Variants in AFG1L observed in about 807,000 individuals in gnomAD.
The protein encoded by AFG1L is AFG1-like ATPase.
A neutral mutation model predicts 62.2 loss-of-function variants in AFG1L; 53 were observed. That is an observed-to-expected ratio of 0.85 (90% confidence interval 0.68 to 1.07). The LOEUF (loss-of-function observed/expected upper bound fraction) is 1.07, where lower values mean the gene tolerates loss of function less well. Ranked by LOEUF, AFG1L falls within the 50% of genes least tolerant of loss-of-function variation. The pLI, the probability that AFG1L is intolerant of heterozygous loss-of-function variation, is 0.00. For synonymous variants in AFG1L, 228 were observed against 210.3 expected, an observed-to-expected ratio of 1.08 and a Z score of -0.73; for missense variants, 555 against 590.5, an observed-to-expected ratio of 0.94 and a Z score of 0.62.
At chr6:108,446,615 G>T (rs368218472) in intron 7 of AFG1L, among the ~76,000 whole-genome samples, 8 of 150,942 alleles carry the variant, frequency 5.3e-5, no homozygotes, top group African/African-American at 1.9e-4. Flanking sequence ...AGCAATGCTC[G>T]CAGCTTAGCC....
intron 6 of AFG1L, among the ~76,000 whole-genome samples, chr6:108,381,817 C>T (rs185280406): frequency 4.6e-5 from 7 of 152,138 alleles, no homozygotes; most frequent in Non-Finnish European, 7.4e-5. Context: ...ATTAATAGTT[C>T]AACTTGAGAA....
At chr6:108,472,865 AT>A (rs1772958746) in intron 8 of AFG1L, among the ~76,000 whole-genome samples, 1 of 149,440 alleles carries the variant, frequency 6.7e-6, no homozygotes, top group Admixed American at 6.8e-5. Flanking sequence ...GTCCAGTGGC[AT>A]GATCTTGGGT....
chr6:108,416,232 A>C (rs1770265109), intron 7 of AFG1L, among the ~76,000 whole-genome samples: 1 of 152,262 alleles, frequency 6.6e-6, no homozygotes, highest in African/African-American at 2.4e-5. Context: ...ATACCATCTC[A>C]TACCAGTTTT....
At chr6:108,412,401 G>T (rs974370039) in intron 7 of AFG1L, among the ~76,000 whole-genome samples, 5 of 152,076 alleles carry the variant, frequency 3.3e-5, no homozygotes, top group Admixed American at 2.0e-4. Flanking sequence ...TTCAAATTCA[G>T]GAAATACAGA....
intron 7 of AFG1L, among the ~76,000 whole-genome samples, chr6:108,416,827 G>A (rs529345073): frequency 1.3e-5 from 2 of 152,172 alleles, no homozygotes; most frequent in Admixed American, 1.3e-4. Flanking sequence ...TAATGTAAAT[G>A]ACGAGTTAAT....
intron 5 of AFG1L, among the ~76,000 whole-genome samples, chr6:108,360,618 C>T (rs188420411): frequency 2.2e-4 from 34 of 152,146 alleles, no homozygotes; most frequent in South Asian, 1.2e-3. Flanking sequence ...TACTGCTGCA[C>T]GCAAGAAAAG....
intron 10 of AFG1L, among the ~76,000 whole-genome samples, chr6:108,478,362 G>A (rs944874118): frequency 1.7e-4 from 26 of 152,336 alleles, no homozygotes; most frequent in East Asian, 5.8e-4. Flanking sequence ...GCGTGAACCC[G>A]GGAGGCGGAG....
intron 8 of AFG1L, among the ~76,000 whole-genome samples, chr6:108,459,388 T>C (rs1258834232): frequency 6.6e-6 from 1 of 152,224 alleles, no homozygotes; most frequent in African/African-American, 2.4e-5. Context: ...GCTGAACTGA[T>C]TTGTTTCCCT....
In AFG1L at chr6:108,519,676, AC is replaced by A. The variant is rs771153402; in HGVS notation, c.1204-18del. The A allele has an allele frequency of 7.6e-5, 97 of 1,274,082 alleles. No individual in the cohort carries two copies. In the African/African-American group the frequency reaches 1.2e-3, roughly 16 times the overall value. The allele number at this position is 1,274,082 out of a possible 1,614,324, so 78.9% of individuals were successfully genotyped here. ...GTGAAATGTAAAGAGTAACACATTT[AC>A]CCATTTTCTTCTATTTCAGGTGCGT... On this transcript the variant is annotated intron_variant, in intron 11 of 12. Coordinates refer to ENST00000368977, the MANE Select transcript of AFG1L (RefSeq NM_145315.5).
chr6:108,406,540 T>C (rs1781866226), intron 7 of AFG1L, among the ~76,000 whole-genome samples: 1 of 152,090 alleles, frequency 6.6e-6, no homozygotes, highest in Non-Finnish European at 1.5e-5. Flanking sequence ...TGGGTTCAAG[T>C]GATTCTCATT....
chr6:108,425,113 A>G (rs1267584380), intron 7 of AFG1L, among the ~76,000 whole-genome samples: 1 of 152,156 alleles, frequency 6.6e-6, no homozygotes, highest in East Asian at 1.9e-4. Flanking sequence ...AGCAAGGCAT[A>G]TGTAGAAACT....
chr6:108,516,852 C>T (rs889768648), intron 11 of AFG1L, among the ~76,000 whole-genome samples: 3 of 152,052 alleles, frequency 2.0e-5, no homozygotes, highest in Non-Finnish European at 4.4e-5. Context: ...TTCTTATACA[C>T]CAATAACAGA....
chr6:108,337,468 A>G (rs1388782567), intron 2 of AFG1L, among the ~76,000 whole-genome samples: 3 of 152,196 alleles, frequency 2.0e-5, no homozygotes, highest in Non-Finnish European at 4.4e-5. Flanking sequence ...TTCCTTGGAA[A>G]CAAGGATTGT....
chr6:108,388,454 TTTAA>T (rs1330898789), intron 6 of AFG1L, among the ~76,000 whole-genome samples: 3 of 152,136 alleles, frequency 2.0e-5, no homozygotes, highest in African/African-American at 7.2e-5. Flanking sequence ...TTCTAGTTCT[TTTAA>T]TTGTGATGTT....
chr6:108,344,968 A>C (rs759086881), intron 2 of AFG1L: 5 of 344,360 alleles, frequency 1.5e-5, no homozygotes, highest in Non-Finnish European at 2.9e-5. Context: ...TCCTGGAAGC[A>C]GGCCTCCCTC....
chr6:108,445,699 GCAGT>G (rs1486078129), intron 7 of AFG1L, among the ~76,000 whole-genome samples: 1 of 147,180 alleles, frequency 6.8e-6, no homozygotes, highest in Non-Finnish European at 1.5e-5. Flanking sequence ...AGTTGGTATA[GCAGT>G]CAGAATGCAA....
intron 7 of AFG1L, among the ~76,000 whole-genome samples, chr6:108,416,122 G>C (rs1440171181): frequency 6.6e-6 from 1 of 152,186 alleles, no homozygotes; most frequent in Non-Finnish European, 1.5e-5. Flanking sequence ...GATATGAACA[G>C]ACACTTCTCA....
chr6:108,392,755 A>G (rs1781112196), intron 6 of AFG1L, among the ~76,000 whole-genome samples: 2 of 152,238 alleles, frequency 1.3e-5, no homozygotes, highest in South Asian at 4.1e-4. Flanking sequence ...AGAAGGATAA[A>G]TCAAATTGGT....
intron 10 of AFG1L, among the ~76,000 whole-genome samples, chr6:108,486,480 A>AT (rs1381162122): frequency 2.6e-5 from 4 of 152,126 alleles, no homozygotes; most frequent in African/African-American, 9.7e-5. Flanking sequence ...AGAATATGCT[A>AT]TTTTTGTTTT....
Sources: gnomAD v4.1 joint callset for allele counts (sites outside exome capture counted in the v4.1 genomes callset) on GRCh38, gnomAD v4.1.1 for gene constraint, MANE v1.5 for transcripts, NCBI Gene and HGNC (gene_info 2026-07-23, HGNC 2026-07-21) for gene names.